Variants in PAN3 observed in about 807,000 individuals in gnomAD.
The protein encoded by PAN3 is PAN2-PAN3 deadenylation complex subunit PAN3.
PAN3 carries 19 observed loss-of-function variants against 96.2 expected under a neutral mutation model. That is an observed-to-expected ratio of 0.20 (90% CI 0.14 to 0.29). PAN3 has a LOEUF of 0.29. PAN3 is among the 10% of genes least tolerant of loss of function. The pLI, the probability that PAN3 is intolerant of heterozygous loss-of-function variation, is 1.00. For synonymous variants in PAN3, 433 were observed against 406.6 expected (o/e 1.06, Z -0.78); for missense variants, 882 against 1,108.1 (o/e 0.80, Z 2.90).
Position 28,196,366 on chromosome 13 carries a change from G to GTT in PAN3, c.691-819_691-818insTT, listed in dbSNP as rs1342720262. 5.3e-5 allele frequency among the ~76,000 whole-genome samples: 8 copies of GTT among 152,116 alleles called. No individual in the cohort carries two copies. The East Asian group carries it at 1.5e-3, about 29-fold the overall frequency. ...TAGTGCAAATTTGCTGTAATTAAGA[G>GTT]AAGTGAGATAGTGGAAACAAGCACT... On this transcript the variant is annotated intron_variant, in intron 4 of 18. Transcript: ENST00000380958.
At chr13:28,168,790 G>A (rs1029333789) in intron 1 of PAN3, among the ~76,000 whole-genome samples, 1 of 151,924 alleles carries the variant, frequency 6.6e-6, no homozygotes, top group African/African-American at 2.4e-5. Flanking sequence ...AGGCTGAGGC[G>A]GGCAGATCAT....
chr13:28,173,770 C>G (rs1388506280), intron 1 of PAN3, among the ~76,000 whole-genome samples: 1 of 152,194 alleles, frequency 6.6e-6, no homozygotes, highest in Non-Finnish European at 1.5e-5. Context: ...ACCCTAAACT[C>G]TAAAGAGAAC....
At chr13:28,146,208 A>G (rs978987440) in intron 1 of PAN3, among the ~76,000 whole-genome samples, 1 of 151,882 alleles carries the variant, frequency 6.6e-6, no homozygotes, top group Admixed American at 6.6e-5. Context: ...TCTTTTCTAC[A>G]CATTGTATGG....
intron 6 of PAN3, among the ~76,000 whole-genome samples, chr13:28,246,376 A>T (rs1168988951): frequency 6.6e-6 from 1 of 152,184 alleles, no homozygotes; most frequent in African/African-American, 2.4e-5. Flanking sequence ...CATGCATACA[A>T]TGTGTAATGA....
intron 9 of PAN3, among the ~76,000 whole-genome samples, chr13:28,262,132 CAT>C (rs1292414932): frequency 6.6e-6 from 1 of 152,144 alleles, no homozygotes; most frequent in African/African-American, 2.4e-5. Flanking sequence ...CATCCTGTGA[CAT>C]ATTATTTTCA....
chr13:28,278,189 TG>T (rs1320606417), intron 15 of PAN3, among the ~76,000 whole-genome samples: 1 of 152,222 alleles, frequency 6.6e-6, no homozygotes, highest in African/African-American at 2.4e-5. Context: ...GGACCAGCCC[TG>T]GGGTATGAAT....
chr13:28,194,193 A>C (rs1044018215), intron 4 of PAN3, among the ~76,000 whole-genome samples: 3 of 151,614 alleles, frequency 2.0e-5, no homozygotes, highest in Non-Finnish European at 2.9e-5. Context: ...AAAAAAGTAC[A>C]TCTGAATTTG....
At chr13:28,268,027 T>TGTTAAAATTGTTTTTCTC (rs1566245914) in intron 12 of PAN3, among the ~76,000 whole-genome samples, 1 of 152,212 alleles carries the variant, frequency 6.6e-6, no homozygotes, top group South Asian at 2.1e-4. Flanking sequence ...ACTGGAAATG[T>TGTTAAAATTGTTTTTCTC]GTTAAAATTG....
intron 7 of PAN3, among the ~76,000 whole-genome samples, chr13:28,257,590 A>C (rs1370426307): frequency 1.3e-5 from 2 of 150,194 alleles, no homozygotes; most frequent in Non-Finnish European, 2.9e-5. Flanking sequence ...AGATCAGCAG[A>C]GGCATTAGAT....
chr13:28,144,211 G>GTT (rs972669575), intron 1 of PAN3, among the ~76,000 whole-genome samples: 211 of 101,534 alleles, frequency 2.1e-3, no homozygotes, highest in Non-Finnish European at 3.2e-3. Context: ...AAGTTTTTTT[G>GTT]TTTTTTTTTT....
chr13:28,165,964 A>T (rs1385084161), intron 1 of PAN3, among the ~76,000 whole-genome samples: 1 of 152,214 alleles, frequency 6.6e-6, no homozygotes, highest in Non-Finnish European at 1.5e-5. Context: ...CACATTGATA[A>T]GTTTCAACAC....
chr13:28,178,982 A>G (rs1349670503), intron 4 of PAN3, among the ~76,000 whole-genome samples: 2 of 151,440 alleles, frequency 1.3e-5, no homozygotes, highest in East Asian at 1.9e-4. Flanking sequence ...TTCTTAAGAG[A>G]AAAAAAAGTT....
At chr13:28,145,581 C>T (rs909672432) in intron 1 of PAN3, among the ~76,000 whole-genome samples, 13 of 151,738 alleles carry the variant, frequency 8.6e-5, no homozygotes, top group African/African-American at 3.1e-4. Context: ...CTCACCTTGA[C>T]CTCCCAAAGT....
At chr13:28,153,057 C>T (rs576203899) in intron 1 of PAN3, among the ~76,000 whole-genome samples, 5 of 152,094 alleles carry the variant, frequency 3.3e-5, no homozygotes, top group Non-Finnish European at 5.9e-5. Context: ...AGTTATTCAA[C>T]GCAGCTGATC....
intron 1 of PAN3, among the ~76,000 whole-genome samples, chr13:28,173,780 C>T (rs1323154214): frequency 1.3e-5 from 2 of 152,238 alleles, no homozygotes; most frequent in Non-Finnish European, 2.9e-5. Context: ...CTAAAGAGAA[C>T]TATCAGTATT....
intron 5 of PAN3, among the ~76,000 whole-genome samples, chr13:28,204,362 T>G (rs1879102708): frequency 6.6e-6 from 1 of 152,246 alleles, no homozygotes; most frequent in African/African-American, 2.4e-5. Context: ...AAATTGCCAT[T>G]GCTTGGGCTT....
At chr13:28,288,160 C>G in intron 18 of PAN3, 38 bp downstream of exon 18, 1 of 1,542,438 alleles carries the variant, frequency 6.5e-7, no homozygotes, top group Non-Finnish European at 8.8e-7. Flanking sequence ...CATAATTCTG[C>G]CTATAATTTG....
At chr13:28,201,387 A>G (rs1054568956) in intron 5 of PAN3, among the ~76,000 whole-genome samples, 3 of 151,808 alleles carry the variant, frequency 2.0e-5, no homozygotes, top group Admixed American at 6.6e-5. Flanking sequence ...AATTTTTATA[A>G]TACAAAAAAT....
chr13:28,221,266 T>C (rs558066452), intron 6 of PAN3, among the ~76,000 whole-genome samples: 2 of 152,078 alleles, frequency 1.3e-5, no homozygotes, highest in East Asian at 1.9e-4. Context: ...TGGTATCTTA[T>C]GTTTGTCGAA....
Sources: gnomAD v4.1 joint callset for allele counts (sites outside exome capture counted in the v4.1 genomes callset) on GRCh38, gnomAD v4.1.1 for gene constraint, MANE v1.5 for transcripts, NCBI Gene and HGNC (gene_info 2026-07-23, HGNC 2026-07-21) for gene names.